Variants in C9orf85 observed in about 807,000 individuals in gnomAD.
The protein encoded by C9orf85 is uncharacterized protein C9orf85.
A neutral mutation model predicts 14.9 loss-of-function variants in C9orf85; 16 were observed. That is an observed-to-expected ratio of 1.08 (90% confidence interval 0.73 to 1.63). C9orf85 has a LOEUF of 1.63. C9orf85 is among the 40% of genes most tolerant of loss of function. The probability of loss-of-function intolerance (pLI) is 0.00; values close to 1 mark genes in which losing one functional copy is unlikely to be tolerated. For synonymous variants in C9orf85, 45 were observed against 56.8 expected, an observed-to-expected ratio of 0.79 and a Z score of 0.93; for missense variants, 172 against 186.1, an observed-to-expected ratio of 0.92 and a Z score of 0.44.
At chr9:71,976,729 T>TC (rs767540780), downstream of C9orf85, among the ~76,000 whole-genome samples, 991 of 9,042 alleles carry the variant, frequency 0.11, 9 homozygotes, top group Non-Finnish European at 0.29. Flanking sequence ...TAGCCCAGGA[T>TC]TTTTTTTTTT....
intron 1 of C9orf85, among the ~76,000 whole-genome samples, chr9:71,945,400 G>A (rs188788697): frequency 9.1e-4 from 138 of 152,308 alleles, no homozygotes; most frequent in Middle Eastern, 6.8e-3. Flanking sequence ...ATAGTAGCAT[G>A]CAGAACTGGG....
chr9:71,918,286 T>A (rs1589243892), intron 1 of C9orf85: 2 of 406,882 alleles, frequency 4.9e-6, no homozygotes, highest in South Asian at 4.4e-5. Flanking sequence ...CTAATTATAT[T>A]AGTGTTCCTA....
At chr9:71,923,568 C>T (rs1451001228) in intron 1 of C9orf85, among the ~76,000 whole-genome samples, 1 of 152,080 alleles carries the variant, frequency 6.6e-6, no homozygotes, top group Non-Finnish European at 1.5e-5. Context: ...GCGCCCAGCC[C>T]TTCCCTGCTT....
chr9:71,922,823 T>C (rs564829617), intron 1 of C9orf85, among the ~76,000 whole-genome samples: 13 of 152,314 alleles, frequency 8.5e-5, no homozygotes, highest in African/African-American at 2.9e-4. Flanking sequence ...GTAACTGCTG[T>C]ACTTACAAAG....
intron 1 of C9orf85, among the ~76,000 whole-genome samples, chr9:71,925,703 TTATC>T (rs1003208026): frequency 2.6e-5 from 4 of 152,210 alleles, no homozygotes; most frequent in South Asian, 2.1e-4. Context: ...AAAGGCCAGA[TTATC>T]TATAAGAAAT....
At chr9:71,919,144 G>A (rs4500143) in intron 1 of C9orf85, among the ~76,000 whole-genome samples, 151,482 of 152,300 alleles carry the variant, frequency 0.99, 75,344 homozygotes, top group Middle Eastern at 1. Flanking sequence ...TGAATGAATA[G>A]ACTTTGCTGT....
intron 2 of C9orf85, among the ~76,000 whole-genome samples, chr9:71,959,211 C>T (rs1389432570): frequency 6.6e-6 from 1 of 151,682 alleles, no homozygotes; most frequent in Non-Finnish European, 1.5e-5. Context: ...GATCTCGGCT[C>T]ACTGCAACCT....
At chr9:71,946,807 A>C (rs533717358) in intron 1 of C9orf85, among the ~76,000 whole-genome samples, 199 bp from the exon 2 acceptor site, 5 of 152,182 alleles carry the variant, frequency 3.3e-5, no homozygotes, top group African/African-American at 9.6e-5. Flanking sequence ...AAAAAAACAA[A>C]AAAAAAAGAA....
At chr9:71,975,334 C>A (rs7853664), downstream of C9orf85, among the ~76,000 whole-genome samples, 1 of 151,816 alleles carries the variant, frequency 6.6e-6, no homozygotes, top group Non-Finnish European at 1.5e-5. Flanking sequence ...CCAGCTACTC[C>A]GGAGGCTGAG....
At position 71,960,913 on chromosome 9, in the gene C9orf85, G is replaced by GTTTT. The variant is rs111315320; in HGVS notation, c.210-10579_210-10576dup. Among the ~76,000 whole-genome samples, 551 of 124,574 alleles carry GTTTT rather than the reference G, an allele frequency of 4.4e-3. 4 individuals are homozygous for GTTTT. Among genetic ancestry groups the GTTTT allele is most frequent in the African/African-American group, 0.015 (501 of 34,252 alleles). 81.7% of individuals were successfully genotyped at this position (124,574 alleles called of 152,430 possible). Reference sequence around the variant, plus strand: ...ATTGGCCGTTTTTCAGTTCCAAATTGTTTTTTTTTTTTTTTTGAGACGGAG... The same window carrying GTTTT: ...ATTGGCCGTTTTTCAGTTCCAAATTGTTTTTTTTTTTTTTTTTTTTGAGACGGAG... On this transcript the variant is annotated intron_variant, in intron 2 of 3. Coordinates refer to ENST00000334731, the MANE Select transcript of C9orf85 (RefSeq NM_182505.5).
At chr9:71,964,936 T>A (rs1433439468) in intron 2 of C9orf85, among the ~76,000 whole-genome samples, 1 of 152,186 alleles carries the variant, frequency 6.6e-6, no homozygotes, top group African/African-American at 2.4e-5. Flanking sequence ...GGCAAGCCTT[T>A]AGTCCAGTCA....
intron 1 of C9orf85, among the ~76,000 whole-genome samples, chr9:71,929,286 G>C (rs1828013629): frequency 6.6e-6 from 1 of 152,114 alleles, no homozygotes; most frequent in Non-Finnish European, 1.5e-5. Flanking sequence ...TTAAACAATA[G>C]TCCATCAGTG....
intron 2 of C9orf85, among the ~76,000 whole-genome samples, chr9:71,969,083 A>G (rs982978645): frequency 6.6e-6 from 1 of 152,206 alleles, no homozygotes; most frequent in African/African-American, 2.4e-5. Context: ...AGGGGCAAAG[A>G]GATGAAGAGA....
intron 2 of C9orf85, among the ~76,000 whole-genome samples, chr9:71,964,778 C>G (rs1822643082): frequency 6.6e-6 from 1 of 152,154 alleles, no homozygotes; most frequent in Non-Finnish European, 1.5e-5. Context: ...CTTGGCCTCA[C>G]GGATTCCAAG....
At chr9:71,983,162 A>G (rs924055252) in exon 4 of C9orf85, 2 of 151,928 alleles carry the variant, frequency 1.3e-5, no homozygotes, top group African/African-American at 4.9e-5. Context: ...TGCCCAGCTA[A>G]TTTTTGTATT....
In C9orf85 at chr9:71,928,460, G is replaced by A. The variant is rs80040258; in HGVS notation, c.102+16624G>A. ...TTTGAGATGCTTAGCATAATGCGGA[G>A]TACATACTAGCTCATATTTTTTTGG... On this transcript the variant is annotated intron_variant, in intron 1 of 3. Transcript: ENST00000334731. Among the ~76,000 whole-genome samples the A allele has an allele frequency of 8.7e-3, 1,320 of 152,274 alleles. 19 individuals are homozygous for A. The highest frequency in any genetic ancestry group is 0.029 in the African/African-American group (1,224 of 41,562).
chr9:71,950,185 T>C (rs188985225), intron 2 of C9orf85, among the ~76,000 whole-genome samples: 496 of 152,324 alleles, frequency 3.3e-3, no homozygotes, highest in African/African-American at 0.011. Flanking sequence ...AACTCACTTA[T>C]ATTCATTCAC....
chr9:71,963,741 G>A (rs188627003), intron 2 of C9orf85, among the ~76,000 whole-genome samples: 17 of 152,330 alleles, frequency 1.1e-4, no homozygotes, highest in African/African-American at 3.1e-4. Flanking sequence ...CTGGCGCTGC[G>A]CTTGATTTCT....
intron 2 of C9orf85, among the ~76,000 whole-genome samples, chr9:71,965,607 G>C (rs936265464): frequency 6.6e-6 from 1 of 152,070 alleles, no homozygotes; most frequent in African/African-American, 2.4e-5. Flanking sequence ...GCTAATTTTT[G>C]TTTTTTGTAT....
Sources: gnomAD v4.1 joint callset for allele counts (sites outside exome capture counted in the v4.1 genomes callset) on GRCh38, gnomAD v4.1.1 for gene constraint, MANE v1.5 for transcripts, NCBI Gene and HGNC (gene_info 2026-07-23, HGNC 2026-07-21) for gene names.